Variants in RGL1 observed in about 807,000 individuals in gnomAD.
RGL1 encodes ral guanine nucleotide dissociation stimulator like 1.
In RGL1, 24 loss-of-function variants were observed where a neutral mutation model predicts 95.2. That is an observed-to-expected ratio of 0.25 (90% CI 0.18 to 0.35). The LOEUF (loss-of-function observed/expected upper bound fraction) is 0.35, where lower values mean the gene tolerates loss of function less well. RGL1 is among the 10% of genes least tolerant of loss of function. The probability of loss-of-function intolerance (pLI) is 1.00; values close to 1 mark genes in which losing one functional copy is unlikely to be tolerated. For synonymous variants in RGL1, 329 were observed against 344.9 expected (o/e 0.95, Z 0.51); for missense variants, 715 against 936.3 (o/e 0.76, Z 3.08).
chr1:183,755,463 A>G (rs531668764), intron 2 of RGL1, among the ~76,000 whole-genome samples: 7 of 152,244 alleles, frequency 4.6e-5, no homozygotes, highest in Admixed American at 2.6e-4. Context: ...AAATAATGAA[A>G]TCTTTATTAA....
Position 183,829,616 on chromosome 1 carries a change from A to T in RGL1, c.139-17950A>T, listed in dbSNP as rs563254311. Among the ~76,000 whole-genome samples the T allele has an allele frequency of 4.6e-5, 7 of 152,254 alleles. 1 individual carries two copies. The Middle Eastern group carries it at 0.02, about 444-fold the overall frequency. On this transcript the variant is annotated intron_variant, in intron 2 of 17. Coordinates refer to ENST00000360851, the MANE Select transcript of RGL1 (RefSeq NM_001297671.3). The stretch of plus-strand genomic sequence containing the variant: ...TTTACACTTACATTTGATCCTGATA[A>T]TACCCACCTGCTTAAAACCCTTTAA...
At chr1:183,706,101 G>A (rs536526174) in intron 1 of RGL1, among the ~76,000 whole-genome samples, 1 of 152,264 alleles carries the variant, frequency 6.6e-6, no homozygotes, top group South Asian at 2.1e-4. Flanking sequence ...GCCCCAGAGG[G>A]GTCTGGGTTG....
At chr1:183,651,435 C>T (rs1323281345) in intron 1 of RGL1, among the ~76,000 whole-genome samples, 2 of 152,196 alleles carry the variant, frequency 1.3e-5, no homozygotes, top group Non-Finnish European at 2.9e-5. Flanking sequence ...TTCCTCAGCC[C>T]ACATCAGCTC....
intron 3 of RGL1, among the ~76,000 whole-genome samples, chr1:183,862,742 C>A (rs1254322111): frequency 6.6e-6 from 1 of 152,160 alleles, no homozygotes; most frequent in Non-Finnish European, 1.5e-5. Flanking sequence ...GCTTCTGAAA[C>A]CCCAATAGAG....
chr1:183,748,475 G>A (rs980921442), intron 2 of RGL1, among the ~76,000 whole-genome samples: 19 of 130,358 alleles, frequency 1.5e-4, no homozygotes, highest in Non-Finnish European at 2.3e-4. Flanking sequence ...GCACGATCTC[G>A]GCTCACTGCA....
rs73061568 is a variant in RGL1, at chr1:183,807,542, C to G, written c.138+1057C>G. 4.8e-3 allele frequency among the ~76,000 whole-genome samples: 727 copies of G among 152,320 alleles called. 6 individuals are homozygous for G. Among genetic ancestry groups the G allele is most frequent in the African/African-American group, 0.016 (648 of 41,564 alleles). ...GGCCTCCTGTTAAGAGTAGTGGTAA[C>G]GTGTGACTTGTAACTCCAGGGAGTT... is the stretch of plus-strand genomic sequence containing the variant. On this transcript the variant is annotated intron_variant, in intron 2 of 17. Transcript: ENST00000360851.
intron 2 of RGL1, among the ~76,000 whole-genome samples, chr1:183,764,562 T>C (rs1658867687): frequency 6.6e-6 from 1 of 152,186 alleles, no homozygotes; most frequent in Admixed American, 6.5e-5. Flanking sequence ...TCTATATTTA[T>C]TCAAAAGAAA....
intron 2 of RGL1, among the ~76,000 whole-genome samples, chr1:183,777,222 A>G (rs1206912815): frequency 6.6e-6 from 1 of 152,238 alleles, no homozygotes; most frequent in Non-Finnish European, 1.5e-5. Context: ...GCTTTGTAAT[A>G]CAAAGTTAAC....
intron 1 of RGL1, among the ~76,000 whole-genome samples, chr1:183,741,878 C>T (rs1342962991): frequency 6.6e-6 from 1 of 152,164 alleles, no homozygotes; most frequent in Non-Finnish European, 1.5e-5. Context: ...CAGATGATGG[C>T]TTGCACTTTG....
In RGL1 at chr1:183,866,010, C is replaced by A. The variant is rs774155706; in HGVS notation, c.362C>A (p.Thr121Lys). 6.2e-7 allele frequency: 1 copy of A among 1,613,794 alleles called. No homozygotes were observed. Among genetic ancestry groups the A allele is most frequent in the South Asian group, 1.1e-5 (1 of 91,076 alleles). ...TATCTCTACAGGTATGGAAACCTGA[C>A]AAGCCCAAACTGTGAAGAAGATGGA... Reference protein sequence around the residue: ...ELLLDRYGNLTSPNCEEDGSQ... With the variant: ...ELLLDRYGNLKSPNCEEDGSQ... The change falls in exon 4 of 18, where the codon ACA becomes AAA. Residue 121 changes from threonine to lysine, a missense_variant. This residue lies in a region of RGL1 where 381 missense variants were observed against 484.8 expected (regional missense o/e 0.79). Transcript: ENST00000360851.
At chr1:183,924,799 C>CAAAAAAAAAAA (rs758747749) in intron 17 of RGL1, among the ~76,000 whole-genome samples, 2 of 111,078 alleles carry the variant, frequency 1.8e-5, no homozygotes, top group Non-Finnish European at 2.0e-5. Context: ...CAAAAAAATA[C>CAAAAAAAAAAA]AAAAAAAAAA....
chr1:183,889,041 G>A (rs1469160083), intron 8 of RGL1, among the ~76,000 whole-genome samples: 2 of 152,002 alleles, frequency 1.3e-5, no homozygotes, highest in Admixed American at 1.3e-4. Flanking sequence ...TATCTTATTG[G>A]CATTAAAAAC....
chr1:183,898,517 G>T (rs1210094958), intron 10 of RGL1, among the ~76,000 whole-genome samples: 1 of 152,212 alleles, frequency 6.6e-6, no homozygotes, highest in Non-Finnish European at 1.5e-5. Flanking sequence ...CATAAAGTGT[G>T]GAAGACCAGA....
intron 1 of RGL1, among the ~76,000 whole-genome samples, chr1:183,655,276 T>G (rs949254031): frequency 2.6e-5 from 4 of 152,244 alleles, no homozygotes; most frequent in African/African-American, 9.6e-5. Context: ...CCAAGATGGC[T>G]TGTGTGTTGC....
chr1:183,706,667 C>A (rs1654932950), intron 1 of RGL1, among the ~76,000 whole-genome samples: 1 of 151,562 alleles, frequency 6.6e-6, no homozygotes, highest in Non-Finnish European at 1.5e-5. Context: ...GAAACAGGCA[C>A]CAGGTGGAGG....
chr1:183,836,880 T>C (rs1274786054), intron 2 of RGL1, among the ~76,000 whole-genome samples: 1 of 152,196 alleles, frequency 6.6e-6, no homozygotes, highest in Non-Finnish European at 1.5e-5. Flanking sequence ...CTAAACAACG[T>C]CATTATTACT....
chr1:183,874,165 A>G (rs1474164566), intron 4 of RGL1, among the ~76,000 whole-genome samples: 3 of 149,160 alleles, frequency 2.0e-5, no homozygotes, highest in Non-Finnish European at 4.5e-5. Flanking sequence ...TTAAATCCTC[A>G]TAATGATTAT....
intron 1 of RGL1, among the ~76,000 whole-genome samples, chr1:183,729,696 A>T (rs1251627149): frequency 2.6e-5 from 4 of 152,206 alleles, no homozygotes; most frequent in South Asian, 2.1e-4. Context: ...CACTTTATTT[A>T]AAGTAACCCA....
chr1:183,639,282 CAAA>C (rs1306405130), intron 1 of RGL1, among the ~76,000 whole-genome samples: 2 of 70,828 alleles, frequency 2.8e-5, no homozygotes. Context: ...CACTTCATCT[CAAA>C]AAAAAAAAAA....
Sources: gnomAD v4.1 joint callset for allele counts (sites outside exome capture counted in the v4.1 genomes callset) on GRCh38, gnomAD v4.1.1 for gene constraint, gnomAD v4.1.1 regional missense constraint, MANE v1.5 for transcripts, NCBI Gene and HGNC (gene_info 2026-07-23, HGNC 2026-07-21) for gene names.